LHX1: variants seen among roughly 807,000 people sequenced by gnomAD.
The protein encoded by LHX1 is LIM/homeobox protein Lhx1.
Under a neutral mutation model 34.1 loss-of-function variants are expected in LHX1, and 9 were observed. That is an observed-to-expected ratio of 0.26 (90% confidence interval 0.16 to 0.46). The LOEUF (loss-of-function observed/expected upper bound fraction) is 0.46. Ranked by LOEUF, LHX1 falls within the 20% of genes least tolerant of loss-of-function variation. LHX1 has a pLI of 1.00. For missense variants in LHX1, 446 were observed against 559.1 expected, an observed-to-expected ratio of 0.80 and a Z score of 2.04; for synonymous variants, 254 against 241.5, an observed-to-expected ratio of 1.05 and a Z score of -0.48.
rs758607846 is a variant in LHX1, at chr17:36,942,781, G to A, written c.871G>A (p.Gly291Ser). ...CCAGAGCGAGTACTACGGGCCCGGGGGCAACTACGACTTCTTCCCGCAAGG... is the reference window on the plus strand; with the variant it reads ...CCAGAGCGAGTACTACGGGCCCGGGAGCAACTACGACTTCTTCCCGCAAGG... ...DYQSEYYGPG[G>S]NYDFFPQGPP... Residue 291 changes from glycine to serine, a missense_variant, in exon 5 of 5, where the codon GGC (glycine) becomes AGC (serine). By Grantham distance (56) the Gly-to-Ser change is moderately conservative (BLOSUM62 0). Transcript: ENST00000614239. The A allele has an allele frequency of 4.5e-6, 7 of 1,541,804 alleles. No individual in the cohort carries two copies. The highest frequency in any genetic ancestry group is 1.9e-5 in the Admixed American group (1 of 52,670).
At position 36,943,240 on chromosome 17, in the gene LHX1, A is replaced by G. The variant is rs1227855449; in HGVS notation, c.*109A>G. 2.3e-6 allele frequency: 3 copies of G among 1,288,044 alleles called. No homozygotes were observed. Among genetic ancestry groups the G allele is most frequent in the South Asian group, 3.0e-5 (2 of 67,302 alleles). The allele number at this position is 1,288,044 out of a possible 1,614,324, so 79.8% of individuals were successfully genotyped here. A position where few individuals can be genotyped will look rare whatever the true frequency, so the allele number is the denominator to read the frequency against. ...AAGCAAGTCCCCACCCCCTTCCTCC[A>G]GCCTCGAGAACCATTCTCCTTCTGG... On this transcript the variant is annotated 3_prime_UTR_variant, in exon 5 of 5. Coordinates refer to ENST00000614239, the MANE Select transcript of LHX1 (RefSeq NM_005568.5).
In LHX1 at chr17:36,938,234, G is replaced by C; in HGVS notation, c.37G>C (p.Asp13His). 6.2e-7 allele frequency: 1 copy of C among 1,614,112 alleles called. No individual in the cohort carries two copies. Among genetic ancestry groups the C allele is most frequent in the Non-Finnish European group, 8.5e-7 (1 of 1,180,024 alleles). ...HCAGCKRPIL[D>H]RFLLNVLDRA... Reference sequence around the variant, plus strand: ...TGCCGGCTGCAAAAGGCCCATCCTGGACCGCTTTCTCTTGAACGTGCTGGA... The same window carrying C: ...TGCCGGCTGCAAAAGGCCCATCCTGCACCGCTTTCTCTTGAACGTGCTGGA... Residue 13 changes from aspartate (D) to histidine (H), a missense_variant, in exon 1 of 5, where the codon GAC becomes CAC. Around this residue, in one of 3 missense-constraint regions of LHX1, gnomAD observed 168 missense variants for 226.6 expected, o/e 0.74. Coordinates refer to ENST00000614239, the MANE Select transcript of LHX1 (RefSeq NM_005568.5).
chr17:36,938,787 T>C, intron 1 of LHX1: 1 of 340,856 alleles, frequency 2.9e-6, no homozygotes, highest in Non-Finnish European at 5.7e-6. Flanking sequence ...GCCACTACCT[T>C]TTCCGACCCC....
chr17:36,942,498 G>C (rs1403655059), intron 4 of LHX1, 133 bp downstream of exon 4: 8 of 1,043,116 alleles, frequency 7.7e-6, no homozygotes, highest in Non-Finnish European at 1.1e-5. Context: ...AGAAGGCTGG[G>C]AGTAAATCAA....
At chr17:36,942,437 G>A in intron 4 of LHX1, 72 bp downstream of exon 4, 1 of 1,465,684 alleles carries the variant, frequency 6.8e-7, no homozygotes, top group South Asian at 1.2e-5. Flanking sequence ...GGCAGCGCGG[G>A]GGGGCACGCC....
chr17:36,938,454 C>G, intron 1 of LHX1, 87 bp downstream of exon 1: 1 of 1,391,820 alleles, frequency 7.2e-7, no homozygotes, highest in Non-Finnish European at 1.0e-6. Context: ...CGTGGCCTCG[C>G]TGCCCAGTTA....
intron 1 of LHX1, chr17:36,938,608 G>A (rs2070744995): frequency 9.8e-6 from 6 of 609,144 alleles, no homozygotes; most frequent in South Asian, 9.5e-5. Flanking sequence ...GGAAGAAAGG[G>A]TCTGAGCCTG....
intron 3 of LHX1, 97 bp from the exon 4 acceptor site, chr17:36,942,103 G>A (rs552317387): frequency 1.2e-4 from 157 of 1,337,522 alleles, no homozygotes; most frequent in Middle Eastern, 5.1e-4. Context: ...GCGCGGTGTC[G>A]GCTAGCCAGG....
chr17:36,937,699 C>T lies in LHX1; in HGVS notation c.-499C>T. ...AGCCTGGCACGCACACAGTCGCCCT[C>T]ATACCCCGACAAAAGCAGATGCACT... On this transcript the variant is annotated 5_prime_UTR_variant, in exon 1 of 5. Coordinates refer to ENST00000614239, the MANE Select transcript of LHX1 (RefSeq NM_005568.5). 1 of 428,898 alleles carries T rather than the reference C, an allele frequency of 2.3e-6. No individual in the cohort carries two copies. The highest frequency in any genetic ancestry group is 1.6e-5 in the South Asian group (1 of 61,738). 26.6% of individuals were successfully genotyped at this position (428,898 alleles called of 1,614,324 possible).
rs2070785522 is a variant in LHX1, at chr17:36,943,902, A to G, written c.*771A>G. ...ATGACTTGAACATCAGCTGTACAAGAAAAGTATTCTACCTTCACACACAAA... is the reference window on the plus strand; with the variant it reads ...ATGACTTGAACATCAGCTGTACAAGGAAAGTATTCTACCTTCACACACAAA... On this transcript the variant is annotated 3_prime_UTR_variant, in exon 5 of 5. Transcript: ENST00000614239. The G allele has an allele frequency of 6.7e-6, 1 of 149,514 alleles. No individual in the cohort carries two copies. Among genetic ancestry groups the G allele is most frequent in the Non-Finnish European group, 1.5e-5 (1 of 67,658 alleles). 9.3% of individuals were successfully genotyped at this position (149,514 alleles called of 1,614,324 possible).
chr17:36,938,619 A>C (rs756242431), intron 1 of LHX1: 404 of 593,858 alleles, frequency 6.8e-4, no homozygotes, highest in Non-Finnish European at 9.8e-4. Flanking sequence ...TCTGAGCCTG[A>C]CTCGGCCCAG....
At position 36,938,301 on chromosome 17, in the gene LHX1, A is replaced by C; in HGVS notation, c.104A>C (p.Lys35Thr). ...HVKCVQCCEC[K>T]CNLTEKCFSR... Reference sequence around the variant, plus strand: ...AAGTGCGTCCAGTGCTGTGAATGTAAATGCAACCTGACCGAGAAGTGCTTC... The same window carrying C: ...AAGTGCGTCCAGTGCTGTGAATGTACATGCAACCTGACCGAGAAGTGCTTC... Residue 35 changes from lysine (K) to threonine (T), a missense_variant, in exon 1 of 5, where the codon AAA becomes ACA. Around this residue, in one of 3 missense-constraint regions of LHX1, gnomAD observed 168 missense variants for 226.6 expected, o/e 0.74. Transcript: ENST00000614239. 1.9e-6 allele frequency: 3 copies of C among 1,614,180 alleles called. No homozygotes were observed. The highest frequency in any genetic ancestry group is 2.5e-6 in the Non-Finnish European group (3 of 1,180,022).
chr17:36,939,403 C>T (rs2070749819), intron 1 of LHX1, among the ~76,000 whole-genome samples: 1 of 152,226 alleles, frequency 6.6e-6, no homozygotes, highest in Admixed American at 6.5e-5. Context: ...TTCAAAGCCA[C>T]TCAGAGGGCC....
intron 1 of LHX1, chr17:36,938,615 C>A: frequency 1.7e-6 from 1 of 597,874 alleles, no homozygotes; most frequent in Non-Finnish European, 3.0e-6. Context: ...AGGGTCTGAG[C>A]CTGACTCGGC....
intron 3 of LHX1, 134 bp from the exon 4 acceptor site, chr17:36,942,066 A>AC: frequency 1.2e-6 from 1 of 831,446 alleles, no homozygotes; most frequent in Non-Finnish European, 1.9e-6. Flanking sequence ...CGTCACCACT[A>AC]CCCTACACAC....
chr17:36,938,607 G>T, intron 1 of LHX1: 1 of 609,996 alleles, frequency 1.6e-6, no homozygotes, highest in South Asian at 1.9e-5. Flanking sequence ...GGGAAGAAAG[G>T]GTCTGAGCCT....
Position 36,937,736 on chromosome 17 carries a change from C to A in LHX1, c.-462C>A. The A allele has an allele frequency of 2.2e-6, 1 of 457,154 alleles. No homozygotes were observed. The highest frequency in any genetic ancestry group is 4.4e-6 in the Non-Finnish European group (1 of 228,910). The allele number at this position is 457,154 out of a possible 1,614,324, so 28.3% of individuals were successfully genotyped here. A position where few individuals can be genotyped will look rare whatever the true frequency, so the allele number is the denominator to read the frequency against. ...AAAGCAGATGCACTTTGACTTCTGACAGCTCTACCTCAAGCCCCGGAGAAC... is the reference window on the plus strand; with the variant it reads ...AAAGCAGATGCACTTTGACTTCTGAAAGCTCTACCTCAAGCCCCGGAGAAC... On this transcript the variant is annotated 5_prime_UTR_variant, in exon 1 of 5. Coordinates refer to ENST00000614239, the MANE Select transcript of LHX1 (RefSeq NM_005568.5).
Position 36,943,209 on chromosome 17 carries a change from C to T in LHX1, c.*78C>T. 1.1e-6 allele frequency: 1 copy of T among 920,054 alleles called. No individual in the cohort carries two copies. The highest frequency in any genetic ancestry group is 1.6e-6 in the Non-Finnish European group (1 of 638,970). The allele number at this position is 920,054 out of a possible 1,614,324, so 57.0% of individuals were successfully genotyped here. A position where few individuals can be genotyped will look rare whatever the true frequency, so the allele number is the denominator to read the frequency against. On this transcript the variant is annotated 3_prime_UTR_variant, in exon 5 of 5. Transcript: ENST00000614239. The stretch of plus-strand genomic sequence containing the variant: ...TTTAAGAAAAATAGAAAAAAAAAAA[C>T]ATAAAAAGCAAGTCCCCACCCCCTT...
Position 36,943,195 on chromosome 17 carries a change from T to TATAA in LHX1, c.*65_*66insTAAA. 5.3e-6 allele frequency: 6 copies of TATAA among 1,139,902 alleles called. No homozygotes were observed. The highest frequency in any genetic ancestry group is 6.8e-6 in the Non-Finnish European group (6 of 884,554). 70.6% of individuals were successfully genotyped at this position (1,139,902 alleles called of 1,614,324 possible). On this transcript the variant is annotated 3_prime_UTR_variant, in exon 5 of 5. Transcript: ENST00000614239. ...GAAATGAACCTTTATTTAAGAAAAA[T>TATAA]AGAAAAAAAAAAACATAAAAAGCAA...
Sources: gnomAD v4.1 joint callset for allele counts (sites outside exome capture counted in the v4.1 genomes callset) on GRCh38, gnomAD v4.1.1 for gene constraint, gnomAD v4.1.1 regional missense constraint, MANE v1.5 for transcripts, NCBI Gene and HGNC (gene_info 2026-07-23, HGNC 2026-07-21) for gene names.